Variants in TBC1D5 observed in about 807,000 individuals in gnomAD.
The protein encoded by TBC1D5 is TBC1 domain family member 5, also known as TBC1 domain family, member 5.
TBC1D5 carries 75 observed loss-of-function variants against 100.3 expected under a neutral mutation model. The ratio of observed to expected loss-of-function variants is 0.75; its 90% CI spans 0.62 to 0.91. The LOEUF (loss-of-function observed/expected upper bound fraction) is 0.91, where lower values mean the gene tolerates loss of function less well. TBC1D5 is among the 40% of genes least tolerant of loss of function. The probability of loss-of-function intolerance (pLI) is 0.00; values close to 1 mark genes in which losing one functional copy is unlikely to be tolerated. For missense variants in TBC1D5, 910 were observed against 942.4 expected (o/e 0.97, Z 0.45); for synonymous variants, 323 against 325.6 (o/e 0.99, Z 0.09).
chr3:17,203,900 T>G (rs1038625059), intron 18 of TBC1D5, among the ~76,000 whole-genome samples: 3 of 152,200 alleles, frequency 2.0e-5, no homozygotes, highest in Non-Finnish European at 4.4e-5. Context: ...AGCCTTCAAC[T>G]GACTGTCTGG....
chr3:17,451,296 C>T (rs1221928983), intron 3 of TBC1D5, among the ~76,000 whole-genome samples: 1 of 152,112 alleles, frequency 6.6e-6, no homozygotes, highest in African/African-American at 2.4e-5. Flanking sequence ...TAAAGACCAT[C>T]AACACTATGA....
At chr3:17,739,394 G>A (rs886598514) in exon 1 of TBC1D5, 1 of 152,174 alleles carries the variant, frequency 6.6e-6, no homozygotes, top group African/African-American at 2.4e-5. Context: ...ATGTGATAAT[G>A]ACCAATGCTT....
rs537711708 is a variant in TBC1D5, at chr3:17,541,216, A to G, written c.-35-32611T>C. On this transcript the variant is annotated intron_variant, in intron 2 of 21. Coordinates refer to ENST00000253692, the Ensembl canonical transcript of TBC1D5. ...TCTTCCAAAAAAAAAAAAAAAAGTCATTGGGATTTTGACAGGGATGCACCA... is the reference window on the plus strand; with the variant it reads ...TCTTCCAAAAAAAAAAAAAAAAGTCGTTGGGATTTTGACAGGGATGCACCA... Among the ~76,000 whole-genome samples, 18 of 150,882 alleles carry G rather than the reference A, an allele frequency of 1.2e-4. No individual in the cohort carries two copies. The South Asian group carries it at 3.8e-3, about 31-fold the overall frequency.
Position 17,480,727 on chromosome 3 carries a change from C to T in TBC1D5, c.97+27747G>A, listed in dbSNP as rs117789597. Among the ~76,000 whole-genome samples the T allele has an allele frequency of 1.3e-4, 20 of 152,244 alleles. No homozygotes were observed. In the East Asian group the frequency reaches 3.7e-3, roughly 28 times the overall value. On this transcript the variant is annotated intron_variant, in intron 3 of 21. Transcript: ENST00000253692. Reference sequence around the variant, plus strand: ...CTACCTGCCTTCAGAAAGGAGCTACCCAGTGAGGGTCTCCTCTCTGCTGAG... The same window carrying T: ...CTACCTGCCTTCAGAAAGGAGCTACTCAGTGAGGGTCTCCTCTCTGCTGAG...
chr3:17,228,362 G>T (rs752490784), intron 17 of TBC1D5, among the ~76,000 whole-genome samples: 3 of 152,138 alleles, frequency 2.0e-5, no homozygotes, highest in Non-Finnish European at 4.4e-5. Flanking sequence ...GTTTAGTGTG[G>T]TGTCTAGCAT....
At chr3:17,446,627 G>A (rs527407818) in intron 3 of TBC1D5, among the ~76,000 whole-genome samples, 6 of 152,292 alleles carry the variant, frequency 3.9e-5, no homozygotes, top group South Asian at 4.2e-4. Context: ...TTAAGGTATC[G>A]ATAACTAAAG....
chr3:17,248,068 TGCAACCTCTGCCTCCCGG>T (rs1424170203), intron 16 of TBC1D5, among the ~76,000 whole-genome samples: 1 of 151,802 alleles, frequency 6.6e-6, no homozygotes. Flanking sequence ...CTCTGCTCAC[TGCAACCTCTGCCTCCCGG>T]GTTCAAGCGA....
At chr3:17,429,362 T>A (rs1358934732) in intron 3 of TBC1D5, among the ~76,000 whole-genome samples, 6 of 151,950 alleles carry the variant, frequency 3.9e-5, no homozygotes, top group Non-Finnish European at 8.8e-5. Flanking sequence ...GTACAGCTTT[T>A]ATGAAACCAT....
intron 8 of TBC1D5, among the ~76,000 whole-genome samples, chr3:17,392,044 T>TA (rs2093365314): frequency 6.6e-6 from 1 of 152,046 alleles, no homozygotes; most frequent in Non-Finnish European, 1.5e-5. Flanking sequence ...GATACCAACA[T>TA]TAACACACTG....
chr3:17,715,811 A>AG lies in TBC1D5; in HGVS notation c.-101+23531dup, dbSNP rs894460041. Among the ~76,000 whole-genome samples, 228 of 151,386 alleles carry AG rather than the reference A, an allele frequency of 1.5e-3. 1 individual carries two copies. Among genetic ancestry groups the AG allele is most frequent in the African/African-American group, 2.8e-3 (114 of 41,304 alleles). On this transcript the variant is annotated intron_variant, in intron 1 of 21. Transcript: ENST00000253692. ...AGCAAGACTATGTCTCTTAAAAAAA[A>AG]GGGGGGGGAGGCCGAGGTGGGAGGA...
chr3:17,439,166 C>T (rs2094591695), intron 3 of TBC1D5, among the ~76,000 whole-genome samples: 1 of 152,106 alleles, frequency 6.6e-6, no homozygotes, highest in Non-Finnish European at 1.5e-5. Flanking sequence ...CAAGGTTGAA[C>T]ATCTAGTGGA....
intron 3 of TBC1D5, among the ~76,000 whole-genome samples, chr3:17,479,462 C>A (rs2095476027): frequency 1.3e-5 from 2 of 152,090 alleles, no homozygotes; most frequent in Admixed American, 1.3e-4. Context: ...AGAAATGATT[C>A]AAAACATAAT....
At chr3:17,355,949 G>T (rs917834162) in intron 13 of TBC1D5, among the ~76,000 whole-genome samples, 9 of 152,110 alleles carry the variant, frequency 5.9e-5, no homozygotes, top group Non-Finnish European at 1.2e-4. Context: ...AATTCCAGAA[G>T]TATTTTGAGG....
chr3:17,295,918 C>G (rs283906), intron 14 of TBC1D5, among the ~76,000 whole-genome samples: 2 of 151,884 alleles, frequency 1.3e-5, no homozygotes, highest in Admixed American at 6.6e-5. Context: ...TCTATTATAG[C>G]TGAGATAGTG....
intron 2 of TBC1D5, among the ~76,000 whole-genome samples, chr3:17,562,978 T>C (rs2096569317): frequency 6.6e-6 from 1 of 152,082 alleles, no homozygotes; most frequent in Non-Finnish European, 1.5e-5. Context: ...TACTTAAAAG[T>C]GTAAGGTTTG....
At chr3:17,460,852 T>C (rs1434986274) in intron 3 of TBC1D5, among the ~76,000 whole-genome samples, 4 of 152,110 alleles carry the variant, frequency 2.6e-5, no homozygotes, top group African/African-American at 7.2e-5. Context: ...AAGATTATTA[T>C]ACTAACACAT....
chr3:17,630,751 C>T (rs1415779322), intron 1 of TBC1D5, among the ~76,000 whole-genome samples: 1 of 151,926 alleles, frequency 6.6e-6, no homozygotes, highest in African/African-American at 2.4e-5. Context: ...GTTAGGCCTC[C>T]CAGGCTGGGC....
At chr3:17,267,037 T>C (rs927535641) in intron 15 of TBC1D5, among the ~76,000 whole-genome samples, 1 of 152,010 alleles carries the variant, frequency 6.6e-6, no homozygotes, top group Non-Finnish European at 1.5e-5. Context: ...TAAAGTGACA[T>C]CCCCATCTAT....
chr3:17,634,546 T>A lies in TBC1D5; in HGVS notation c.-100-10633A>T, dbSNP rs75977659. ...ACCAAAACAATTGAACCCATGGAGG[T>A]AGAAAGTAGAAAAATGGTTACCAGA... On this transcript the variant is annotated intron_variant, in intron 1 of 21. Transcript: ENST00000253692. Among the ~76,000 whole-genome samples, 193 of 143,488 alleles carry A rather than the reference T, an allele frequency of 1.3e-3. 2 individuals carry two copies. In the East Asian group the frequency reaches 0.032, roughly 24 times the overall value. 94.1% of individuals were successfully genotyped at this position (143,488 alleles called of 152,430 possible).
Sources: allele counts gnomAD v4.1 joint callset (sites outside exome capture counted in the v4.1 genomes callset), GRCh38; gene constraint gnomAD v4.1.1; transcripts MANE v1.5; gene names NCBI Gene and HGNC (gene_info 2026-07-23, HGNC 2026-07-21).